Variants in CCDC63 observed in about 807,000 individuals in gnomAD.
CCDC63 encodes the protein coiled-coil domain-containing protein 63.
Under a neutral mutation model 63.6 loss-of-function variants are expected in CCDC63, and 54 were observed. The observed-to-expected ratio is 0.85, with a 90% CI of 0.68 to 1.07. CCDC63 has a LOEUF of 1.07. CCDC63 is among the 50% of genes least tolerant of loss of function. The pLI, the probability that CCDC63 is intolerant of heterozygous loss-of-function variation, is 0.00. For missense variants in CCDC63, 637 were observed against 689.6 expected, an observed-to-expected ratio of 0.92 and a Z score of 0.86; for synonymous variants, 253 against 266.1, an observed-to-expected ratio of 0.95 and a Z score of 0.48.
In CCDC63 at chr12:110,889,513, A is replaced by G. The variant is rs1289735195; in HGVS notation, c.1075-3563A>G. 1.3e-5 allele frequency among the ~76,000 whole-genome samples: 2 copies of G among 152,168 alleles called. No homozygotes were observed. Among genetic ancestry groups the G allele is most frequent in the East Asian group, 1.9e-4 (1 of 5,190 alleles). On this transcript the variant is annotated intron_variant, in intron 8 of 11. Transcript: ENST00000308208. This position sits in a 1 kb window ranked among gnomAD's most constrained non-coding sequence, Gnocchi z 4.1. Reference sequence around the variant, plus strand: ...ATCTCTGGGGAAGAACGCTCCAGGCAGAGGAAACAGCAACAGCACACGCAA... The same window carrying G: ...ATCTCTGGGGAAGAACGCTCCAGGCGGAGGAAACAGCAACAGCACACGCAA...
rs2071243436 is a variant in CCDC63 at position 110,884,010 on chromosome 12, G to A, written c.854-20G>A. 6.3e-7 allele frequency: 1 copy of A among 1,599,562 alleles called. No individual in the cohort carries two copies. Among genetic ancestry groups the A allele is most frequent in the Non-Finnish European group, 8.6e-7 (1 of 1,167,156 alleles). Reference sequence around the variant, plus strand: ...GAGCTTCCTTTTGAGTGTCACAGTGGCTGATTTTTCCTTTCCTAGCTCTCA... The same window carrying A: ...GAGCTTCCTTTTGAGTGTCACAGTGACTGATTTTTCCTTTCCTAGCTCTCA... On this transcript the variant is annotated intron_variant, in intron 7 of 11. Coordinates refer to ENST00000308208, the MANE Select transcript of CCDC63 (RefSeq NM_152591.3).
At chr12:110,856,080 T>C (rs914299688) in intron 3 of CCDC63, among the ~76,000 whole-genome samples, 1 of 151,490 alleles carries the variant, frequency 6.6e-6, no homozygotes, top group Non-Finnish European at 1.5e-5. Context: ...AAACCTCTTT[T>C]TTTTTTCTTT....
rs1019874633 is a variant in CCDC63 at position 110,847,005 on chromosome 12, G to T, written c.-197G>T. 3.3e-5 allele frequency: 5 copies of T among 152,216 alleles called. No homozygotes were observed. The highest frequency in any genetic ancestry group is 9.6e-5 in the African/African-American group (4 of 41,456). The allele number at this position is 152,216 out of a possible 1,614,324, so 9.4% of individuals were successfully genotyped here. A position where few individuals can be genotyped will look rare whatever the true frequency, so the allele number is the denominator to read the frequency against. On this transcript the variant is annotated 5_prime_UTR_variant, in exon 1 of 12. Transcript: ENST00000308208. Reference sequence around the variant, plus strand: ...TGGGGGTGTGGCGCAGCGAGGCCGCGCAGCAAGCAGTCCTCCCGGCACCGT... The same window carrying T: ...TGGGGGTGTGGCGCAGCGAGGCCGCTCAGCAAGCAGTCCTCCCGGCACCGT...
chr12:110,889,888 A>AT lies in CCDC63; in HGVS notation c.1075-3181dup. 6.6e-6 allele frequency among the ~76,000 whole-genome samples: 1 copy of AT among 151,652 alleles called. No homozygotes were observed. Among genetic ancestry groups the AT allele is most frequent in the African/African-American group, 2.4e-5 (1 of 41,332 alleles). On this transcript the variant is annotated intron_variant, in intron 8 of 11. Coordinates refer to ENST00000308208, the MANE Select transcript of CCDC63 (RefSeq NM_152591.3). This position sits in a 1 kb window ranked among gnomAD's most constrained non-coding sequence, Gnocchi z 4.1. ...TTTTTTCCTTTTTCCAAAATCATATATTTTTTTCCGATTAGAATTTTTTTT... is the reference window on the plus strand; with the variant it reads ...TTTTTTCCTTTTTCCAAAATCATATATTTTTTTTCCGATTAGAATTTTTTTT...
rs2071396025 is a variant in CCDC63, at chr12:110,894,677, C to T, written c.1149+1527C>T. Among the ~76,000 whole-genome samples the T allele has an allele frequency of 2.0e-5, 3 of 152,192 alleles. No homozygotes were observed. In the South Asian group the frequency reaches 6.2e-4, roughly 32 times the overall value. On this transcript the variant is annotated intron_variant, in intron 9 of 11. Coordinates refer to ENST00000308208, the MANE Select transcript of CCDC63 (RefSeq NM_152591.3). ...CCACGGAGACCCTCCCCAAGCTGGG[C>T]AGATGCCTGGGGCCCACGTCCTTCA...
chr12:110,864,535 C>T (rs2070912519), intron 4 of CCDC63, among the ~76,000 whole-genome samples: 1 of 151,858 alleles, frequency 6.6e-6, no homozygotes, highest in African/African-American at 2.4e-5. Flanking sequence ...ACAGACCAGC[C>T]TGGCCAACAT....
In CCDC63 at chr12:110,904,675, C is replaced by T. The variant is rs774288568; in HGVS notation, c.1430C>T (p.Pro477Leu). The T allele has an allele frequency of 8.7e-6, 14 of 1,613,918 alleles. No homozygotes were observed. Among genetic ancestry groups the T allele is most frequent in the East Asian group, 2.2e-5 (1 of 44,878 alleles). Reference protein sequence around the residue: ...LEVEGAEAEIPPPFINPFWGG... With the variant: ...LEVEGAEAEILPPFINPFWGG... ...GTGGAAGGGGCAGAGGCTGAGATCC[C>T]GCCACCCTTCATCAACCCTTTCTGG... is the stretch of plus-strand genomic sequence containing the variant. The change falls in exon 11 of 12, where the codon CCG becomes CTG. Residue 477 changes from proline to leucine, a missense_variant. Physicochemically the swap from Pro to Leu is moderately conservative, Grantham distance 98 (BLOSUM62 -3). Transcript: ENST00000308208.
At chr12:110,877,121 CAT>C (rs1196500652) in intron 5 of CCDC63, among the ~76,000 whole-genome samples, 2 of 151,986 alleles carry the variant, frequency 1.3e-5, no homozygotes, top group Non-Finnish European at 2.9e-5. Context: ...AGCAAGTTAA[CAT>C]ATCTGTTATC....
chr12:110,849,641 G>C (rs1001468451), intron 1 of CCDC63, among the ~76,000 whole-genome samples: 1 of 151,762 alleles, frequency 6.6e-6, no homozygotes, highest in African/African-American at 2.4e-5. Flanking sequence ...TGGGATTACA[G>C]GTGCCCACCA....
intron 10 of CCDC63, among the ~76,000 whole-genome samples, chr12:110,901,894 G>T (rs1385491533): frequency 3.3e-5 from 5 of 152,016 alleles, no homozygotes; most frequent in Non-Finnish European, 5.9e-5. Flanking sequence ...GCAATGGCAT[G>T]ATCTCAGCTC....
At chr12:110,854,956 G>A (rs140920255) in intron 3 of CCDC63, among the ~76,000 whole-genome samples, 2,185 of 152,034 alleles carry the variant, frequency 0.014, 60 homozygotes, top group African/African-American at 0.049. Context: ...GTGCCAGCAC[G>A]CCTGGCTAAT....
chr12:110,858,564 T>C (rs1238471306), intron 3 of CCDC63, 22 bp from the exon 4 acceptor site: 1 of 1,598,830 alleles, frequency 6.3e-7, no homozygotes, highest in Non-Finnish European at 8.5e-7. Context: ...TTGGGGTTAA[T>C]CATGGGCTGC....
intron 1 of CCDC63, among the ~76,000 whole-genome samples, chr12:110,849,427 AC>A (rs2070678000): frequency 1.3e-5 from 2 of 151,720 alleles, no homozygotes; most frequent in African/African-American, 2.4e-5. Context: ...TTGCCACTGA[AC>A]CATCATGCAT....
chr12:110,866,522 T>C (rs1187605345), intron 4 of CCDC63, among the ~76,000 whole-genome samples: 2 of 137,162 alleles, frequency 1.5e-5, no homozygotes, highest in Non-Finnish European at 3.1e-5. Context: ...TGATGACTCT[T>C]AACGAGCATG....
intron 4 of CCDC63, among the ~76,000 whole-genome samples, chr12:110,868,817 CTT>C (rs1485044503): frequency 6.8e-6 from 1 of 147,050 alleles, no homozygotes; most frequent in African/African-American, 2.6e-5. Flanking sequence ...TTAAGCCACT[CTT>C]TAGTTGGGCT....
intron 8 of CCDC63, among the ~76,000 whole-genome samples, chr12:110,891,939 G>A (rs924544518): frequency 1.3e-5 from 2 of 152,160 alleles, no homozygotes; most frequent in East Asian, 1.9e-4. Flanking sequence ...GAGATTGGTC[G>A]GTCGAAAGGT....
Position 110,881,284 on chromosome 12 carries a change from A to C in CCDC63, c.841A>C (p.Lys281Gln). 6.2e-7 allele frequency: 1 copy of C among 1,613,216 alleles called. No individual in the cohort carries two copies. The highest frequency in any genetic ancestry group is 2.2e-5 in the East Asian group (1 of 44,852). The change falls in exon 7 of 12, where the codon AAA (lysine) becomes CAA (glutamine). Residue 281 changes from lysine (K) to glutamine (Q), a missense_variant. Physicochemically the swap from Lys to Gln is moderately conservative, Grantham distance 53. Transcript: ENST00000308208. Reference sequence around the variant, plus strand: ...TCGCAATGAATTCGAGGAGCAGGCCAAAAGGGAGGAAGGTACACCCTCCAG... The same window carrying C: ...TCGCAATGAATTCGAGGAGCAGGCCCAAAGGGAGGAAGGTACACCCTCCAG... ...NDRNEFEEQA[K>Q]REEALKAKKH...
At position 110,907,422 on chromosome 12, in the gene CCDC63, C is replaced by T. The variant is rs754223470; in HGVS notation, c.1638C>T (p.Asp546=). The change falls in exon 12 of 12, where the codon GAC becomes GAT. Residue 546 remains aspartate, a synonymous_variant. Coordinates refer to ENST00000308208, the MANE Select transcript of CCDC63 (RefSeq NM_152591.3). This position sits in a 1 kb window ranked among gnomAD's most constrained non-coding sequence, Gnocchi z 4.4. ...ATCGGAGTAAGGAAGTGCGCGGAGA[C>T]AGCCTGCCTGAGAAGGTGGATGACT... ...KENRSKEVRG[D]SLPEKVDDFR... is the part of the protein sequence containing the mutation. 2.5e-6 allele frequency: 4 copies of T among 1,614,088 alleles called. No homozygotes were observed. Among genetic ancestry groups the T allele is most frequent in the African/African-American group, 1.3e-5 (1 of 74,928 alleles).
intron 8 of CCDC63, among the ~76,000 whole-genome samples, chr12:110,891,351 C>CA (rs200368048): frequency 0.025 from 3,727 of 150,772 alleles, 145 homozygotes; most frequent in African/African-American, 0.084. Context: ...AACCAAAAAA[C>CA]AAAAAAAATG....
Sources: allele counts gnomAD v4.1 joint callset (sites outside exome capture counted in the v4.1 genomes callset), GRCh38; gene constraint gnomAD v4.1.1; non-coding constraint Gnocchi (gnomAD v3.1); transcripts MANE v1.5; gene names NCBI Gene and HGNC (gene_info 2026-07-23, HGNC 2026-07-21).